Variants in ARAP1 observed in about 807,000 individuals in gnomAD.
The protein encoded by ARAP1 is ArfGAP with RhoGAP domain, ankyrin repeat and PH domain 1, also known as arf-GAP with Rho-GAP domain, ANK repeat and PH domain-containing protein 1.
Under a neutral mutation model 172.2 loss-of-function variants are expected in ARAP1, and 76 were observed. The ratio of observed to expected loss-of-function variants is 0.44; its 90% confidence interval spans 0.37 to 0.53. ARAP1 has a LOEUF of 0.53. Ranked by LOEUF, ARAP1 falls within the 20% of genes least tolerant of loss-of-function variation. The pLI is 0.00. For synonymous variants in ARAP1, 804 were observed against 803.3 expected, an observed-to-expected ratio of 1.00 and a Z score of -0.01; for missense variants, 1,686 against 1,977.5, an observed-to-expected ratio of 0.85 and a Z score of 2.80.
intron 3 of ARAP1, chr11:72,721,963 G>T: frequency 1.0e-6 from 1 of 986,442 alleles, no homozygotes; most frequent in South Asian, 4.7e-5. Flanking sequence ...TCCCGCCTGG[G>T]CTGGTCTCGC....
chr11:72,712,558 G>A lies in ARAP1; in HGVS notation c.758C>T (p.Pro253Leu). Residue 253 changes from proline to leucine, a missense_variant, in exon 6 of 35, where the codon CCA becomes CTA. Physicochemically the swap from Pro to Leu is moderately conservative, Grantham distance 98. This residue lies in a region of ARAP1 where 155 missense variants were observed against 129.2 expected (regional missense o/e 1.20). Transcript: ENST00000393609. ...CACGGCCCGTGGGACTCGGCTCGGT[G>A]GGGGCTCCTCCTGCCCCCGAGACCC... ...ARVMTKKEEPPPSRVPRAVRV... is the reference protein window; with the variant it reads ...ARVMTKKEEPLPSRVPRAVRV... The A allele has an allele frequency of 6.2e-7, 1 of 1,612,646 alleles. No homozygotes were observed. The highest frequency in any genetic ancestry group is 8.5e-7 in the Non-Finnish European group (1 of 1,179,892).
At position 72,697,040 on chromosome 11, in the gene ARAP1, C is replaced by T. The variant is rs951056400; in HGVS notation, c.3109G>A (p.Asp1037Asn). The T allele has an allele frequency of 6.2e-7, 1 of 1,610,002 alleles. No individual in the cohort carries two copies. Among genetic ancestry groups the T allele is most frequent in the Non-Finnish European group, 8.5e-7 (1 of 1,179,938 alleles). ...CGAGTGAAGAGCCCATCAGGCAGGTCGCGCAGGAAGCGCTTGAGCGCCGAG... is the reference window on the plus strand; with the variant it reads ...CGAGTGAAGAGCCCATCAGGCAGGTTGCGCAGGAAGCGCTTGAGCGCCGAG... ...VSSALKRFLR[D>N]LPDGLFTRAQ... The change falls in exon 22 of 35, where the codon GAC becomes AAC. Residue 1037 changes from aspartate (D) to asparagine (N), a missense_variant. This residue lies in a region of ARAP1 where 274 missense variants were observed against 262.7 expected (regional missense o/e 1.04). Coordinates refer to ENST00000393609, the MANE Select transcript of ARAP1 (RefSeq NM_001040118.3).
rs1856938784 is a variant in ARAP1 at position 72,710,004 on chromosome 11, G to A, written c.1417-28C>T. 6.3e-7 allele frequency: 1 copy of A among 1,594,976 alleles called. No individual in the cohort carries two copies. Among genetic ancestry groups the A allele is most frequent in the South Asian group, 1.1e-5 (1 of 90,692 alleles). On this transcript the variant is annotated intron_variant, in intron 10 of 34. Transcript: ENST00000393609. The surrounding 1 kb of genome is among the most constrained non-coding windows in gnomAD (Gnocchi z 4.3). ...GGAGGGCAGATGGGACGGGATGAGG[G>A]CAAGGCTTTGGGGGCAGGGCGTGAG...
At chr11:72,698,292 G>A (rs950761598) in intron 18 of ARAP1, among the ~76,000 whole-genome samples, 186 bp from the exon 19 acceptor site, 4 of 152,176 alleles carry the variant, frequency 2.6e-5, no homozygotes, top group Non-Finnish European at 5.9e-5. Context: ...CCACTCAGAT[G>A]TGCCCGCCTC....
At position 72,727,057 on chromosome 11, in the gene ARAP1, C is replaced by T. The variant is rs765247304; in HGVS notation, c.72G>A (p.Thr24=). 77 of 1,608,086 alleles carry T rather than the reference C, an allele frequency of 4.8e-5. No homozygotes were observed. The highest frequency in any genetic ancestry group is 6.5e-5 in the Non-Finnish European group (76 of 1,176,284). The part of the protein sequence containing the change: ...WLRALHLEQY[T]GLFEQHGLVW... ...CCAGGCCATGCTGCTCAAAGAGCCC[C>T]GTGTACTGCTCCAGGTGCAATGCCC... The change falls in exon 3 of 35, where the codon ACG becomes ACA. Residue 24 remains threonine, a synonymous_variant. Coordinates refer to ENST00000393609, the MANE Select transcript of ARAP1 (RefSeq NM_001040118.3).
rs898339733 is a variant in ARAP1 at position 72,704,258 on chromosome 11, G to T, written c.1886C>A (p.Pro629His). Residue 629 changes from proline to histidine, a missense_variant, in exon 14 of 35, where the codon CCC becomes CAC. By Grantham distance (77) the Pro-to-His change is moderately conservative. Transcript: ENST00000393609. ...CCGCCGGGTGCTGGGGCTGCTGCTGGGCTGCAGGGCCTCACTGGGGGGCAC... is the reference window on the plus strand; with the variant it reads ...CCGCCGGGTGCTGGGGCTGCTGCTGTGCTGCAGGGCCTCACTGGGGGGCAC... ...ANVPPSEALQ[P>H]SSSPSTRRCH... is the part of the protein sequence containing the mutation. 2 of 1,613,284 alleles carry T rather than the reference G, an allele frequency of 1.2e-6. No individual in the cohort carries two copies. Among genetic ancestry groups the T allele is most frequent in the Non-Finnish European group, 1.7e-6 (2 of 1,179,764 alleles).
Position 72,710,590 on chromosome 11 carries a change from G to A in ARAP1, c.1214-3C>T, listed in dbSNP as rs1239558190. On this transcript the variant is annotated splice_region_variant and splice_polypyrimidine_tract_variant and intron_variant, in intron 9 of 34. Transcript: ENST00000393609. This position sits in a 1 kb window ranked among gnomAD's most constrained non-coding sequence, Gnocchi z 4.3. ...CTGCATCCACTCCTTCCGCTCCACT[G>A]CAGGAGAAGGGTAGAGGAGTAAGCC... is the stretch of plus-strand genomic sequence containing the variant. 1 of 1,603,140 alleles carries A rather than the reference G, an allele frequency of 6.2e-7. No homozygotes were observed. Among genetic ancestry groups the A allele is most frequent in the Non-Finnish European group, 8.5e-7 (1 of 1,178,332 alleles).
At chr11:72,722,405 G>A (rs1347726715) in intron 3 of ARAP1, 3 of 967,002 alleles carry the variant, frequency 3.1e-6, no homozygotes, top group African/African-American at 1.8e-5. Context: ...CCCCCAGGCT[G>A]CACCCCCACC....
intron 3 of ARAP1, chr11:72,722,039 A>G: frequency 1.0e-6 from 1 of 985,648 alleles, no homozygotes; most frequent in Non-Finnish European, 1.2e-6. Context: ...TTTTGAGCCC[A>G]GGTATGGCTT....
chr11:72,698,080 A>C lies in ARAP1; in HGVS notation c.2568T>G (p.Asp856Glu). 1.2e-6 allele frequency: 2 copies of C among 1,603,912 alleles called. No homozygotes were observed. The highest frequency in any genetic ancestry group is 1.7e-6 in the Non-Finnish European group (2 of 1,175,964). The stretch of plus-strand genomic sequence containing the variant: ...GCCGCTCAAAATCCCGGGCCAGCAG[A>C]TCCTCGGCTAGGGGAGGCACGAATG... ...AKAFVPPLAE[D>E]LLARDFERLG... The change falls in exon 19 of 35, where the codon GAT becomes GAG. Residue 856 changes from aspartate (D) to glutamate (E), a missense_variant. Coordinates refer to ENST00000393609, the MANE Select transcript of ARAP1 (RefSeq NM_001040118.3).
intron 8 of ARAP1, 143 bp from the exon 9 acceptor site, chr11:72,711,284 A>G (rs926818859): frequency 6.8e-7 from 1 of 1,463,682 alleles, no homozygotes; most frequent in Non-Finnish European, 9.3e-7. Context: ...AGCCCTCAGC[A>G]GGCAGAGGGC....
chr11:72,715,609 G>A (rs1292394301), intron 3 of ARAP1, among the ~76,000 whole-genome samples: 1 of 138,492 alleles, frequency 7.2e-6, no homozygotes, highest in Non-Finnish European at 1.5e-5. Flanking sequence ...GTCTCACTCT[G>A]TGGCAGACTG....
rs552676567 is a variant in ARAP1, at chr11:72,705,429, C to A, written c.1809+376G>T. 4.8e-5 allele frequency: 9 copies of A among 185,728 alleles called. No individual in the cohort carries two copies. The South Asian group carries it at 1.1e-3, about 22-fold the overall frequency. The allele number at this position is 185,728 out of a possible 1,614,324, so 11.5% of individuals were successfully genotyped here. ...AGGCAGATTACAGCCCTGCCCAGGA[C>A]CTCAGTTTACACATCTATTCAATGG... On this transcript the variant is annotated intron_variant, in intron 13 of 34. Coordinates refer to ENST00000393609, the MANE Select transcript of ARAP1 (RefSeq NM_001040118.3).
At position 72,710,991 on chromosome 11, in the gene ARAP1, C is replaced by T. The variant is rs201331989; in HGVS notation, c.1213+30G>A. 51 of 1,556,062 alleles carry T rather than the reference C, an allele frequency of 3.3e-5. No individual in the cohort carries two copies. In the East Asian group the frequency reaches 6.4e-4, roughly 19 times the overall value. Reference sequence around the variant, plus strand: ...TTCCAGTCTTCTCTACCCTCTTCTACACACACACACAACACCCCACACTCC... The same window carrying T: ...TTCCAGTCTTCTCTACCCTCTTCTATACACACACACAACACCCCACACTCC... On this transcript the variant is annotated intron_variant, in intron 9 of 34. Transcript: ENST00000393609. The surrounding 1 kb of genome is among the most constrained non-coding windows in gnomAD (Gnocchi z 4.3).
chr11:72,706,274 CT>C (rs1244324801), intron 12 of ARAP1, among the ~76,000 whole-genome samples: 16 of 152,326 alleles, frequency 1.1e-4, no homozygotes, highest in African/African-American at 3.6e-4. Context: ...GCTTCCCCTC[CT>C]TCATCTTTCT....
intron 1 of ARAP1, among the ~76,000 whole-genome samples, chr11:72,743,078 C>T (rs976787919): frequency 6.6e-5 from 10 of 152,220 alleles, no homozygotes; most frequent in African/African-American, 2.4e-4. Context: ...CCTCTATCTC[C>T]TTACTCTGTT....
chr11:72,699,268 T>C lies in ARAP1; in HGVS notation c.2438+149A>G. The C allele has an allele frequency of 7.1e-7, 1 of 1,406,508 alleles. No homozygotes were observed. Among genetic ancestry groups the C allele is most frequent in the Non-Finnish European group, 9.7e-7 (1 of 1,031,732 alleles). The allele number at this position is 1,406,508 out of a possible 1,614,324, so 87.1% of individuals were successfully genotyped here. A position where few individuals can be genotyped will look rare whatever the true frequency, so the allele number is the denominator to read the frequency against. ...GGTGGAAAAGTCTTGGGCTGGGGCC[T>C]CAAGAGACTGGAGTCGGCCCTTGTG... On this transcript the variant is annotated intron_variant, in intron 17 of 34. Transcript: ENST00000393609. This position sits in a 1 kb window ranked among gnomAD's most constrained non-coding sequence, Gnocchi z 4.2.
chr11:72,731,439 C>G (rs966885993), intron 2 of ARAP1, among the ~76,000 whole-genome samples: 1 of 152,154 alleles, frequency 6.6e-6, no homozygotes, highest in East Asian at 1.9e-4. Flanking sequence ...CCCGGCTTCT[C>G]TCTTGCTTCC....
Position 72,725,080 on chromosome 11 carries a change from G to A in ARAP1, c.509+1540C>T, listed in dbSNP as rs1047764335. 6.6e-6 allele frequency among the ~76,000 whole-genome samples: 1 copy of A among 152,158 alleles called. No individual in the cohort carries two copies. Among genetic ancestry groups the A allele is most frequent in the African/African-American group, 2.4e-5 (1 of 41,442 alleles). Reference sequence around the variant, plus strand: ...CTGATGGGGAAACAGGCCCAGAGAAGCAGGTCCTCATCAGAGTCACAAAGC... The same window carrying A: ...CTGATGGGGAAACAGGCCCAGAGAAACAGGTCCTCATCAGAGTCACAAAGC... On this transcript the variant is annotated intron_variant, in intron 3 of 34. Coordinates refer to ENST00000393609, the MANE Select transcript of ARAP1 (RefSeq NM_001040118.3). This position sits in a 1 kb window ranked among gnomAD's most constrained non-coding sequence, Gnocchi z 4.3.
Sources: gnomAD v4.1 joint callset for allele counts (sites outside exome capture counted in the v4.1 genomes callset) on GRCh38, gnomAD v4.1.1 for gene constraint, gnomAD v4.1.1 regional missense constraint, Gnocchi (gnomAD v3.1) non-coding constraint, MANE v1.5 for transcripts, NCBI Gene and HGNC (gene_info 2026-07-23, HGNC 2026-07-21) for gene names.